The following PATJ variants were observed in gnomAD, a reference collection of about 807,000 sequenced individuals.
The protein encoded by PATJ is inaD-like protein.
PATJ carries 190 observed loss-of-function variants against 224.9 expected under a neutral mutation model. The ratio of observed to expected loss-of-function variants is 0.84; its 90% CI spans 0.75 to 0.95. The LOEUF (loss-of-function observed/expected upper bound fraction) is 0.95, where lower values mean the gene tolerates loss of function less well. Ranked by LOEUF, PATJ falls within the 40% of genes least tolerant of loss-of-function variation. The pLI is 0.00. For synonymous variants in PATJ, 769 were observed against 820.3 expected, an observed-to-expected ratio of 0.94 and a Z score of 1.07; for missense variants, 2,121 against 2,270.3, an observed-to-expected ratio of 0.93 and a Z score of 1.34.
chr1:61,825,935 C>A (rs1357876715), intron 15 of PATJ, among the ~76,000 whole-genome samples: 3 of 152,040 alleles, frequency 2.0e-5, no homozygotes, highest in Non-Finnish European at 4.4e-5. Context: ...CCTGTGACAC[C>A]AGTTGAAATC....
In PATJ at chr1:61,959,426, T is replaced by TATATATA. The variant is rs371038532; in HGVS notation, c.3671-30742_3671-30741insATATATA. Among the ~76,000 whole-genome samples, 363 of 99,640 alleles carry TATATATA rather than the reference T, an allele frequency of 3.6e-3. 4 individuals are homozygous for TATATATA. Among genetic ancestry groups the TATATATA allele is most frequent in the African/African-American group, 0.011 (305 of 27,638 alleles). 65.4% of individuals were successfully genotyped at this position (99,640 alleles called of 152,430 possible). On this transcript the variant is annotated intron_variant, in intron 27 of 43. Transcript: ENST00000642238. Reference sequence around the variant, plus strand: ...ATATATATATTATATATATAATATATTTTTTTTCTTTTCTTTTTTTTTTTT... The same window carrying TATATATA: ...ATATATATATTATATATATAATATATATATATATTTTTTTCTTTTCTTTTTTTTTTTT...
intron 41 of PATJ, among the ~76,000 whole-genome samples, chr1:62,145,983 T>G (rs746198646): frequency 5.3e-5 from 8 of 151,286 alleles, no homozygotes; most frequent in Non-Finnish European, 1.0e-4. Context: ...AATAAATAAA[T>G]GAAAGAAATA....
chr1:62,148,742 T>G (rs1668329685), intron 42 of PATJ, among the ~76,000 whole-genome samples: 1 of 152,162 alleles, frequency 6.6e-6, no homozygotes, highest in African/African-American at 2.4e-5. Flanking sequence ...GAAATCTTGT[T>G]GTTATACTTG....
intron 8 of PATJ, among the ~76,000 whole-genome samples, chr1:61,790,759 C>G (rs1649679334): frequency 1.3e-5 from 2 of 151,910 alleles, no homozygotes; most frequent in Admixed American, 1.3e-4. Flanking sequence ...GGTGATCCAC[C>G]CACCTCAGCC....
intron 27 of PATJ, among the ~76,000 whole-genome samples, chr1:61,944,633 C>A (rs1201420587): frequency 6.6e-6 from 1 of 152,106 alleles, no homozygotes; most frequent in Non-Finnish European, 1.5e-5. Context: ...GAGAATGGAA[C>A]CAAGTTGGAA....
In PATJ at chr1:62,159,006, A is replaced by C. The variant is rs116584052; in HGVS notation, c.5503-1902A>C. ...CTAAAAAAGATAAATAGCTTAACAT[A>C]GTTTTTAAAAAATTAATTTACACAG... On this transcript the variant is annotated intron_variant, in intron 43 of 43. Transcript: ENST00000642238. 7.6e-3 allele frequency among the ~76,000 whole-genome samples: 1,158 copies of C among 152,334 alleles called. 13 individuals carry two copies. The highest frequency in any genetic ancestry group is 0.026 in the African/African-American group (1,099 of 41,572).
chr1:62,087,073 AC>A (rs1160083352), intron 33 of PATJ, among the ~76,000 whole-genome samples: 1 of 152,098 alleles, frequency 6.6e-6, no homozygotes, highest in Non-Finnish European at 1.5e-5. Flanking sequence ...TTTTTTGGGT[AC>A]CCGCACTCGG....
intron 43 of PATJ, among the ~76,000 whole-genome samples, chr1:62,157,847 AAAAAAAAAT>A (rs1373940414): frequency 7.5e-6 from 1 of 133,948 alleles, no homozygotes; most frequent in African/African-American, 2.6e-5. Context: ...AAAAAAAAAA[AAAAAAAAAT>A]AATCCAAGCC....
At chr1:61,987,157 T>C (rs1268119442) in intron 27 of PATJ, among the ~76,000 whole-genome samples, 2 of 152,066 alleles carry the variant, frequency 1.3e-5, no homozygotes, top group Non-Finnish European at 2.9e-5. Context: ...TTTTTAAAGT[T>C]CTCTTTTTAT....
chr1:62,098,307 C>G (rs562214412), intron 33 of PATJ, among the ~76,000 whole-genome samples: 1 of 146,498 alleles, frequency 6.8e-6, no homozygotes, highest in African/African-American at 2.6e-5. Flanking sequence ...TGCAGTGAGC[C>G]GAGATTGCAC....
At chr1:61,779,638 A>G (rs1041020726) in intron 7 of PATJ, among the ~76,000 whole-genome samples, 1 of 152,214 alleles carries the variant, frequency 6.6e-6, no homozygotes, top group Non-Finnish European at 1.5e-5. Flanking sequence ...GAGCGTATTC[A>G]TTACCCCCAG....
intron 29 of PATJ, among the ~76,000 whole-genome samples, chr1:62,020,464 G>C (rs1474972014): frequency 6.6e-6 from 1 of 152,164 alleles, no homozygotes; most frequent in Non-Finnish European, 1.5e-5. Context: ...ATGCAATTGT[G>C]TAGTTGGGAA....
chr1:61,783,603 AC>A (rs1446818805), intron 7 of PATJ, among the ~76,000 whole-genome samples: 1 of 150,672 alleles, frequency 6.6e-6, no homozygotes, highest in Non-Finnish European at 1.5e-5. Context: ...TTTTGAAGAA[AC>A]AAATTTGATT....
chr1:61,829,929 C>A (rs1241761527), intron 16 of PATJ, among the ~76,000 whole-genome samples: 1 of 152,168 alleles, frequency 6.6e-6, no homozygotes, highest in Non-Finnish European at 1.5e-5. Flanking sequence ...TATATCACTT[C>A]CACACATCAG....
At chr1:62,076,246 A>C (rs1045488086) in intron 31 of PATJ, among the ~76,000 whole-genome samples, 2 of 151,974 alleles carry the variant, frequency 1.3e-5, no homozygotes, top group Non-Finnish European at 2.9e-5. Flanking sequence ...AACAAAAAAC[A>C]AAAAAAACCT....
At chr1:61,990,876 A>T (rs1235472940) in intron 28 of PATJ, among the ~76,000 whole-genome samples, 2 of 152,314 alleles carry the variant, frequency 1.3e-5, no homozygotes, top group African/African-American at 4.8e-5. Flanking sequence ...AATAGAATAG[A>T]CAAAAGAGAA....
chr1:62,137,774 G>C lies in PATJ; in HGVS notation c.5271+8829G>C, dbSNP rs547776388. Among the ~76,000 whole-genome samples, 312 of 152,162 alleles carry C rather than the reference G, an allele frequency of 2.1e-3. 1 individual carries two copies. The highest frequency in any genetic ancestry group is 4.8e-3 in the Admixed American group (74 of 15,288). ...CGTCTCTAACTGTTCCGTAGGCGCAGAGGACAAGGCTGCAGCCTCCCCGTC... is the reference window on the plus strand; with the variant it reads ...CGTCTCTAACTGTTCCGTAGGCGCACAGGACAAGGCTGCAGCCTCCCCGTC... On this transcript the variant is annotated intron_variant, in intron 41 of 43. Transcript: ENST00000642238.
intron 25 of PATJ, 39 bp downstream of exon 25, chr1:61,908,521 C>G (rs770496816): frequency 1.6e-5 from 20 of 1,243,258 alleles, no homozygotes; most frequent in African/African-American, 4.4e-5. Context: ...TTTAACAACA[C>G]TCTGTATACC....
chr1:62,106,569 C>T (rs1369588433), intron 33 of PATJ, among the ~76,000 whole-genome samples: 1 of 151,826 alleles, frequency 6.6e-6, no homozygotes, highest in Non-Finnish European at 1.5e-5. Flanking sequence ...CACATTTTTG[C>T]AAGAAATATT....
Sources: allele counts gnomAD v4.1 joint callset (sites outside exome capture counted in the v4.1 genomes callset), GRCh38; gene constraint gnomAD v4.1.1; transcripts MANE v1.5; gene names NCBI Gene and HGNC (gene_info 2026-07-23, HGNC 2026-07-21).